The following NEK9 variants were observed in gnomAD, a reference collection of about 807,000 sequenced individuals.
The protein encoded by NEK9 is NIMA related kinase 9, also known as serine/threonine-protein kinase Nek9.
NEK9 carries 75 observed loss-of-function variants against 123.4 expected under a neutral mutation model. That is an observed-to-expected ratio of 0.61 (90% CI 0.50 to 0.74). The LOEUF is 0.74. Among genes scored for constraint, NEK9 ranks in the 30% least tolerant of loss-of-function variants. The pLI, the probability that NEK9 is intolerant of heterozygous loss-of-function variation, is 0.00. For missense variants in NEK9, 952 were observed against 1,214.4 expected (o/e 0.78, Z 3.21); for synonymous variants, 438 against 458.7 (o/e 0.95, Z 0.58).
chr14:75,086,940 ATTT>A (rs2139711629), intron 21 of NEK9, 75 bp downstream of exon 21: 1 of 1,415,902 alleles, frequency 7.1e-7, no homozygotes, highest in South Asian at 1.2e-5. Context: ...GAACAAGTCT[ATTT>A]CAGTACTTTG....
chr14:75,101,581 A>G, intron 15 of NEK9, 76 bp downstream of exon 15: 1 of 946,084 alleles, frequency 1.1e-6, no homozygotes, highest in Non-Finnish European at 1.6e-6. Context: ...ATATACATAT[A>G]AAGAAAACCT....
At chr14:75,111,298 A>G (rs182112308) in intron 8 of NEK9, among the ~76,000 whole-genome samples, 2 of 152,294 alleles carry the variant, frequency 1.3e-5, no homozygotes, top group Non-Finnish European at 2.9e-5. Context: ...ATTATAGCTG[A>G]GCTCCTAGAG....
In NEK9 at chr14:75,126,991, C is replaced by G. The variant is rs533308987; in HGVS notation, c.-70G>C. 1.6e-6 allele frequency: 2 copies of G among 1,288,140 alleles called. No homozygotes were observed. Among genetic ancestry groups the G allele is most frequent in the Non-Finnish European group, 2.0e-6 (2 of 976,124 alleles). The allele number at this position is 1,288,140 out of a possible 1,614,324, so 79.8% of individuals were successfully genotyped here. On this transcript the variant is annotated 5_prime_UTR_variant, in exon 1 of 22. Coordinates refer to ENST00000238616, the MANE Select transcript of NEK9 (RefSeq NM_033116.6). ...GGCCCTGGCCGCGCTGCGTCCCGCT[C>G]GCTTCAGATGCCGGCCCGCGGATCC...
rs373391702 is a variant in NEK9, at chr14:75,117,173, T to C, written c.762+22A>G. On this transcript the variant is annotated intron_variant, in intron 6 of 21. Coordinates refer to ENST00000238616, the MANE Select transcript of NEK9 (RefSeq NM_033116.6). ...CATTTGCAACCTGCTAAATGCAATA[T>C]GGGGATAATATGCCAACTTACTGTA... The C allele has an allele frequency of 4.9e-5, 79 of 1,608,990 alleles. No homozygotes were observed. In the Middle Eastern group the frequency reaches 5.0e-4, roughly 10 times the overall value.
chr14:75,126,231 A>C (rs897606360), intron 1 of NEK9, among the ~76,000 whole-genome samples: 6 of 152,270 alleles, frequency 3.9e-5, no homozygotes, highest in Middle Eastern at 3.4e-3. Flanking sequence ...TAATGACAAA[A>C]ATAACGGAGT....
chr14:75,123,046 T>G (rs1231007246), intron 2 of NEK9, among the ~76,000 whole-genome samples: 1 of 151,970 alleles, frequency 6.6e-6, no homozygotes, highest in Non-Finnish European at 1.5e-5. Flanking sequence ...CTGCTTGTCT[T>G]GGCTTCTCAA....
At chr14:75,120,926 G>T in intron 3 of NEK9, 193 bp downstream of exon 3, 2 of 674,578 alleles carry the variant, frequency 3.0e-6, no homozygotes, top group Admixed American at 4.3e-5. Flanking sequence ...ATGATGTGGA[G>T]GTAAAACGTT....
At chr14:75,120,315 T>C (rs988095972) in intron 4 of NEK9, among the ~76,000 whole-genome samples, 195 bp downstream of exon 4, 1 of 152,188 alleles carries the variant, frequency 6.6e-6, no homozygotes, top group Non-Finnish European at 1.5e-5. Flanking sequence ...CTGAGGAGAC[T>C]CTTCCTAGAT....
chr14:75,127,080 C>G (rs988703769), upstream of NEK9: 3 of 581,156 alleles, frequency 5.2e-6, no homozygotes, highest in Non-Finnish European at 8.8e-6. Flanking sequence ...AAACAGTTCT[C>G]TGTGTTTCCG....
intron 15 of NEK9, 61 bp from the exon 16 acceptor site, chr14:75,101,214 G>A (rs1894568562): frequency 4.0e-6 from 6 of 1,509,924 alleles, no homozygotes; most frequent in Non-Finnish European, 5.4e-6. Context: ...CAGAGAAGAT[G>A]CAGCCAAGCA....
chr14:75,122,790 T>A (rs1004298772), intron 2 of NEK9, among the ~76,000 whole-genome samples: 8 of 37,558 alleles, frequency 2.1e-4, no homozygotes, highest in Admixed American at 9.4e-4. Context: ...CACGCCCAGC[T>A]TTTTTTTTTT....
At chr14:75,087,984 T>TA in intron 20 of NEK9, among the ~76,000 whole-genome samples, 1 of 152,386 alleles carries the variant, frequency 6.6e-6, no homozygotes, top group African/African-American at 2.4e-5. Flanking sequence ...TAAAATGGTC[T>TA]AAAATAATTA....
chr14:75,126,606 C>T (rs1895535794), intron 1 of NEK9, 97 bp downstream of exon 1: 1 of 953,172 alleles, frequency 1.0e-6, no homozygotes, highest in Non-Finnish European at 1.5e-6. Flanking sequence ...GCGCCTAAAG[C>T]ACTAAGCTCA....
At chr14:75,106,034 G>T (rs755041042) in intron 12 of NEK9, 38 bp from the exon 13 acceptor site, 10 of 1,571,764 alleles carry the variant, frequency 6.4e-6, no homozygotes, top group Admixed American at 3.3e-5. Context: ...TTATAATGAG[G>T]GCTTCCTTCC....
chr14:75,088,437 A>G (rs1212910989), intron 20 of NEK9, 43 bp downstream of exon 20: 1 of 1,594,418 alleles, frequency 6.3e-7, no homozygotes, highest in African/African-American at 1.4e-5. Flanking sequence ...GCTTGCAGTG[A>G]CTGTTTACCT....
chr14:75,083,019 C>T lies in NEK9; in HGVS notation c.*1545G>A, dbSNP rs960113528. ...TCCCATTGAACAGAGTTGCCTGTCC[C>T]GAGCAATGGGGTTCTCCCCAAGCAT... On this transcript the variant is annotated 3_prime_UTR_variant, in exon 22 of 22. Transcript: ENST00000238616. The T allele has an allele frequency of 4.0e-5, 16 of 398,518 alleles. No individual in the cohort carries two copies. Among genetic ancestry groups the T allele is most frequent in the East Asian group, 2.1e-4 (6 of 28,090 alleles). 24.7% of individuals were successfully genotyped at this position (398,518 alleles called of 1,614,324 possible). A position where few individuals can be genotyped will look rare whatever the true frequency, so the allele number is the denominator to read the frequency against.
intron 2 of NEK9, among the ~76,000 whole-genome samples, chr14:75,123,606 T>TA (rs1218423682): frequency 6.6e-6 from 1 of 152,154 alleles, no homozygotes; most frequent in African/African-American, 2.4e-5. Flanking sequence ...CATGCTTTAC[T>TA]ATATATTACT....
intron 1 of NEK9, among the ~76,000 whole-genome samples, chr14:75,126,262 T>C (rs1421654588): frequency 1.3e-5 from 2 of 152,162 alleles, no homozygotes; most frequent in Non-Finnish European, 2.9e-5. Context: ...GTGGGGATTT[T>C]GAAGCTATGC....
At chr14:75,117,440 C>T in intron 5 of NEK9, 114 bp from the exon 6 acceptor site, 1 of 1,182,274 alleles carries the variant, frequency 8.5e-7, no homozygotes, top group Non-Finnish European at 1.2e-6. Flanking sequence ...ATAAAACATT[C>T]ATCAGCAGAT....
Sources: allele counts gnomAD v4.1 joint callset (sites outside exome capture counted in the v4.1 genomes callset), GRCh38; gene constraint gnomAD v4.1.1; transcripts MANE v1.5; gene names NCBI Gene and HGNC (gene_info 2026-07-23, HGNC 2026-07-21).